BFAR: variants seen among roughly 807,000 people sequenced by gnomAD.
BFAR encodes bifunctional apoptosis regulator, also known as RING finger protein 47.
BFAR carries 52 observed loss-of-function variants against 54.4 expected under a neutral mutation model. That is an observed-to-expected ratio of 0.96 (90% confidence interval 0.77 to 1.21). BFAR has a LOEUF of 1.21. Among genes scored for constraint, BFAR ranks in the 50% most tolerant of loss-of-function variants. BFAR has a pLI of 0.00. For synonymous variants in BFAR, 215 were observed against 204.3 expected (o/e 1.05, Z -0.45); for missense variants, 571 against 534.0 (o/e 1.07, Z -0.68).
At chr16:14,665,104 G>T (rs1385533290) in intron 7 of BFAR, 33 bp downstream of exon 7, 1 of 1,552,292 alleles carries the variant, frequency 6.4e-7, no homozygotes, top group Non-Finnish European at 8.9e-7. Flanking sequence ...CACAACAGGG[G>T]ATGGGAAAGA....
chr16:14,635,151 A>G (rs1204242920), intron 1 of BFAR, among the ~76,000 whole-genome samples: 1 of 152,184 alleles, frequency 6.6e-6, no homozygotes, highest in African/African-American at 2.4e-5. Context: ...CTTGGGATAC[A>G]TGGTGAAACC....
chr16:14,644,400 A>T lies in BFAR; in HGVS notation c.54A>T (p.Glu18Asp), dbSNP rs200654253. 19 of 1,613,536 alleles carry T rather than the reference A, an allele frequency of 1.2e-5. No individual in the cohort carries two copies. The East Asian group carries it at 4.2e-4, about 36-fold the overall frequency. The change falls in exon 2 of 8, where the codon GAA (glutamate) becomes GAT (aspartate). Residue 18 changes from glutamate to aspartate, a missense_variant. Glu to Asp is a conservative substitution (Grantham distance 45). Transcript: ENST00000261658. ...YVNTMDLERD[E>D]PLKSTGPQIS... is the part of the protein sequence containing the mutation. ...ACACAATGGACCTTGAGAGAGATGA[A>T]CCTCTCAAAAGCACCGGCCCTCAGA...
intron 5 of BFAR, among the ~76,000 whole-genome samples, chr16:14,657,467 C>G (rs1415009642): frequency 6.6e-6 from 1 of 152,006 alleles, no homozygotes; most frequent in Non-Finnish European, 1.5e-5. Context: ...CCAGGGTAGT[C>G]TGGATCTCCT....
chr16:14,665,911 A>G (rs8062460), intron 7 of BFAR, among the ~76,000 whole-genome samples: 16,216 of 152,180 alleles, frequency 0.11, 903 homozygotes, highest in East Asian at 0.19. Context: ...CTGATCTGTA[A>G]CCAACTAGGA....
At chr16:14,664,227 G>A (rs1960372517) in intron 6 of BFAR, among the ~76,000 whole-genome samples, 1 of 151,948 alleles carries the variant, frequency 6.6e-6, no homozygotes, top group African/African-American at 2.4e-5. Flanking sequence ...GCTTCAGAAG[G>A]GATGTGCAGA....
rs1329630315 is a variant in BFAR, at chr16:14,644,480, C to T, written c.134C>T (p.Thr45Ile). 6 of 1,614,004 alleles carry T rather than the reference C, an allele frequency of 3.7e-6. No individual in the cohort carries two copies. In the Admixed American group the frequency reaches 6.7e-5, roughly 18 times the overall value. ...HCCYDILVNPTTLNCGHSFCR... is the reference protein window; with the variant it reads ...HCCYDILVNPITLNCGHSFCR... ...TGCTACGACATCCTGGTTAACCCCACCACCTTGAACTGTGGGCACAGCTTC... is the reference window on the plus strand; with the variant it reads ...TGCTACGACATCCTGGTTAACCCCATCACCTTGAACTGTGGGCACAGCTTC... Residue 45 changes from threonine (T) to isoleucine (I), a missense_variant, in exon 2 of 8, where the codon ACC becomes ATC. Coordinates refer to ENST00000261658, the MANE Select transcript of BFAR (RefSeq NM_016561.3).
chr16:14,663,963 C>T lies in BFAR; in HGVS notation c.958-906C>T, dbSNP rs553598014. ...TACTTAATTTGAGATTAATTACGGC[C>T]GGGTGCGGTGGTTCACTCCTATAAT... On this transcript the variant is annotated intron_variant, in intron 6 of 7. Transcript: ENST00000261658. Among the ~76,000 whole-genome samples the T allele has an allele frequency of 1.1e-3, 171 of 151,882 alleles. 3 individuals carry two copies. In the South Asian group the frequency reaches 0.018, roughly 16 times the overall value.
rs754453524 is a variant in BFAR, at chr16:14,644,488, A to G, written c.142A>G (p.Asn48Asp). 8.7e-6 allele frequency: 14 copies of G among 1,613,898 alleles called. No homozygotes were observed. The highest frequency in any genetic ancestry group is 1.2e-5 in the Non-Finnish European group (14 of 1,180,014). ...CATCCTGGTTAACCCCACCACCTTG[A>G]ACTGTGGGCACAGCTTCTGCCGTCA... ...YDILVNPTTL[N>D]CGHSFCRHCL... The change falls in exon 2 of 8, where the codon AAC (asparagine) becomes GAC (aspartate). Residue 48 changes from asparagine to aspartate, a missense_variant. Coordinates refer to ENST00000261658, the MANE Select transcript of BFAR (RefSeq NM_016561.3).
At position 14,669,135 on chromosome 16, in the gene BFAR, C is replaced by A. The variant is rs1442998717; in HGVS notation, c.*1308C>A. The A allele has an allele frequency of 5.2e-6, 2 of 386,094 alleles. No homozygotes were observed. The highest frequency in any genetic ancestry group is 1.8e-5 in the South Asian group (1 of 54,172). The allele number at this position is 386,094 out of a possible 1,614,324, so 23.9% of individuals were successfully genotyped here. A position where few individuals can be genotyped will look rare whatever the true frequency, so the allele number is the denominator to read the frequency against. ...TGTGACTCCATGAACCATTCATTAA[C>A]CCTTTGTATCTTTGAGTGAAAATTT... On this transcript the variant is annotated 3_prime_UTR_variant, in exon 8 of 8. Coordinates refer to ENST00000261658, the MANE Select transcript of BFAR (RefSeq NM_016561.3).
intron 6 of BFAR, 54 bp from the exon 7 acceptor site, chr16:14,664,815 T>G (rs1197824316): frequency 9.2e-6 from 14 of 1,524,550 alleles, no homozygotes; most frequent in Admixed American, 5.0e-5. Flanking sequence ...ATCACAATAT[T>G]TTGTGTAAAA....
Position 14,644,298 on chromosome 16 carries a change from T to C in BFAR, c.-49T>C, listed in dbSNP as rs762150550. The stretch of plus-strand genomic sequence containing the variant: ...GATTAATGATGTTTTGCAGCAGTTT[T>C]CTACGTCTGAAATTTTTTATGTCTC... On this transcript the variant is annotated 5_prime_UTR_variant, in exon 2 of 8. Coordinates refer to ENST00000261658, the MANE Select transcript of BFAR (RefSeq NM_016561.3). 6.4e-7 allele frequency: 1 copy of C among 1,566,222 alleles called. No individual in the cohort carries two copies. The highest frequency in any genetic ancestry group is 1.2e-5 in the South Asian group (1 of 86,480).
At chr16:14,659,246 TTTTTG>T (rs1960220918) in intron 5 of BFAR, among the ~76,000 whole-genome samples, 1 of 147,812 alleles carries the variant, frequency 6.8e-6, no homozygotes, top group Non-Finnish European at 1.5e-5. Flanking sequence ...TTTTTTTTGT[TTTTTG>T]TTTTTTTTTG....
chr16:14,667,158 G>A (rs1022002305), intron 7 of BFAR, among the ~76,000 whole-genome samples: 4 of 151,742 alleles, frequency 2.6e-5, no homozygotes, highest in Admixed American at 2.0e-4. Context: ...GTAACATAGC[G>A]AGACCTTGTC....
rs1219091039 is a variant in BFAR, at chr16:14,669,224, T to C, written c.*1397T>C. 1.3e-5 allele frequency: 4 copies of C among 299,542 alleles called. No homozygotes were observed. Among genetic ancestry groups the C allele is most frequent in the Admixed American group, 4.1e-5 (1 of 24,360 alleles). The allele number at this position is 299,542 out of a possible 1,614,324, so 18.6% of individuals were successfully genotyped here. A position where few individuals can be genotyped will look rare whatever the true frequency, so the allele number is the denominator to read the frequency against. On this transcript the variant is annotated 3_prime_UTR_variant, in exon 8 of 8. Coordinates refer to ENST00000261658, the MANE Select transcript of BFAR (RefSeq NM_016561.3). ...TGAAATAAAAATAAAGATTTCTATA[T>C]AGATAAAACCTATATGTAGAGAAAA...
intron 4 of BFAR, among the ~76,000 whole-genome samples, chr16:14,654,168 C>T (rs1304066364): frequency 6.6e-6 from 1 of 151,724 alleles, no homozygotes; most frequent in Non-Finnish European, 1.5e-5. Flanking sequence ...CCTGCCACGA[C>T]ACCTGGCTAA....
rs180778462 is a variant in BFAR at position 14,644,415 on chromosome 16, C to T, written c.69C>T (p.Thr23=). 1.1e-5 allele frequency: 17 copies of T among 1,613,810 alleles called. No homozygotes were observed. The Admixed American group carries it at 1.8e-4, about 17-fold the overall frequency. Reference sequence around the variant, plus strand: ...AGAGAGATGAACCTCTCAAAAGCACCGGCCCTCAGATTTCTGTTAGTGAAT... The same window carrying T: ...AGAGAGATGAACCTCTCAAAAGCACTGGCCCTCAGATTTCTGTTAGTGAAT... ...DLERDEPLKS[T]GPQISVSEFS... is the part of the protein sequence containing the mutation. Residue 23 remains threonine (T), a synonymous_variant, in exon 2 of 8, where the codon ACC becomes ACT. Transcript: ENST00000261658.
chr16:14,641,559 A>G (rs978629538), intron 1 of BFAR, among the ~76,000 whole-genome samples: 4 of 151,902 alleles, frequency 2.6e-5, no homozygotes, highest in Admixed American at 6.6e-5. Flanking sequence ...TCAAAAAAAA[A>G]AAAAAAAAGT....
chr16:14,662,430 C>A (rs1041182517), intron 6 of BFAR, among the ~76,000 whole-genome samples: 2 of 152,176 alleles, frequency 1.3e-5, no homozygotes, highest in Non-Finnish European at 2.9e-5. Flanking sequence ...CTAATCGGCT[C>A]CCTTGCACAT....
intron 1 of BFAR, chr16:14,643,861 C>CCAAAAAAAAAAA: frequency 7.2e-6 from 1 of 139,670 alleles, no homozygotes. Context: ...CCACCCCCAC[C>CCAAAAAAAAAAA]AAAAAAAAAA....
Sources: gnomAD v4.1 joint callset for allele counts (sites outside exome capture counted in the v4.1 genomes callset) on GRCh38, gnomAD v4.1.1 for gene constraint, MANE v1.5 for transcripts, NCBI Gene and HGNC (gene_info 2026-07-23, HGNC 2026-07-21) for gene names.